Variants in MED13L observed in about 807,000 individuals in gnomAD.
The protein encoded by MED13L is mediator of RNA polymerase II transcription subunit 13-like.
In MED13L, 7 loss-of-function variants were observed where a neutral mutation model predicts 220.9. That is an observed-to-expected ratio of 0.03 (90% CI 0.02 to 0.06). The LOEUF is 0.06. Ranked by LOEUF, MED13L falls within the 10% of genes least tolerant of loss-of-function variation. The pLI is 1.00. For synonymous variants in MED13L, 1,011 were observed against 1,015.2 expected (o/e 1.00, Z 0.08); for missense variants, 1,965 against 2,760.5 (o/e 0.71, Z 6.46).
Position 115,966,147 on chromosome 12 carries a change from T to C in MED13L, c.6322A>G (p.Asn2108Asp), listed in dbSNP as rs768108181. The change falls in exon 29 of 31, where the codon AAT becomes GAT. Residue 2108 changes from asparagine (N) to aspartate (D), a missense_variant. Coordinates refer to ENST00000281928, the MANE Select transcript of MED13L (RefSeq NM_015335.5). ...GATGACCAAAACCACTGGGGAAGATTCTCAGCTTTGGCAGTTGATACAAAA... is the reference window on the plus strand; with the variant it reads ...GATGACCAAAACCACTGGGGAAGATCCTCAGCTTTGGCAGTTGATACAAAA... ...GYFVSTAKAE[N>D]LPQWFWSSCP... The C allele has an allele frequency of 1.2e-6, 2 of 1,614,176 alleles. No individual in the cohort carries two copies. The highest frequency in any genetic ancestry group is 4.5e-5 in the East Asian group (2 of 44,882).
intron 4 of MED13L, among the ~76,000 whole-genome samples, chr12:116,025,359 T>C (rs1880324733): frequency 6.6e-6 from 1 of 152,172 alleles, no homozygotes; most frequent in Admixed American, 6.5e-5. Context: ...TACCATATGA[T>C]CCTGTAATCC....
chr12:116,040,349 A>T (rs926837052), intron 4 of MED13L, among the ~76,000 whole-genome samples: 11 of 152,362 alleles, frequency 7.2e-5, no homozygotes, highest in African/African-American at 2.6e-4. Flanking sequence ...TATTTGAATC[A>T]AATTATCATT....
At chr12:116,183,926 T>C (rs1593140483) in intron 2 of MED13L, among the ~76,000 whole-genome samples, 1 of 151,804 alleles carries the variant, frequency 6.6e-6, no homozygotes, top group Non-Finnish European at 1.5e-5. Flanking sequence ...GATAATCAGG[T>C]TACAATGAAA....
intron 2 of MED13L, among the ~76,000 whole-genome samples, chr12:116,228,825 A>G (rs1048331896): frequency 1.3e-5 from 2 of 152,184 alleles, no homozygotes; most frequent in African/African-American, 2.4e-5. Flanking sequence ...AATTTTCCAC[A>G]TTCAGATTCT....
chr12:116,182,508 T>TA (rs1880597366), intron 2 of MED13L, among the ~76,000 whole-genome samples: 1 of 152,126 alleles, frequency 6.6e-6, no homozygotes, highest in Admixed American at 6.6e-5. Context: ...TCTTTTCTCT[T>TA]ACACTAGAGA....
intron 1 of MED13L, among the ~76,000 whole-genome samples, chr12:116,261,660 C>G (rs1450245896): frequency 2.0e-5 from 3 of 152,134 alleles, no homozygotes; most frequent in African/African-American, 7.2e-5. Flanking sequence ...GTGATCAAAG[C>G]TTAAGTCTAC....
At chr12:116,038,567 T>C (rs1881325407) in intron 4 of MED13L, among the ~76,000 whole-genome samples, 1 of 152,046 alleles carries the variant, frequency 6.6e-6, no homozygotes, top group South Asian at 2.1e-4. Context: ...GTGGAATTCT[T>C]GCCAGCTTGA....
At chr12:116,212,274 T>A (rs566431139) in intron 2 of MED13L, among the ~76,000 whole-genome samples, 1 of 152,302 alleles carries the variant, frequency 6.6e-6, no homozygotes, top group Non-Finnish European at 1.5e-5. Context: ...GTGTATAATA[T>A]CCTCTTAGAA....
At chr12:116,008,227 C>G (rs1233815884) in intron 10 of MED13L, 174 bp downstream of exon 10, 6 of 877,438 alleles carry the variant, frequency 6.8e-6, no homozygotes, top group Non-Finnish European at 1.0e-5. Flanking sequence ...GACATGTGTG[C>G]TAACCTATAA....
At position 116,054,193 on chromosome 12, in the gene MED13L, T is replaced by TAC. The variant is rs529817189; in HGVS notation, c.480-31594_480-31593dup. On this transcript the variant is annotated intron_variant, in intron 4 of 30. Coordinates refer to ENST00000281928, the MANE Select transcript of MED13L (RefSeq NM_015335.5). Reference sequence around the variant, plus strand: ...CTACTTAGAGTAATTTAACAACTATTACACACACACACACACACAAACACA... The same window carrying TAC: ...CTACTTAGAGTAATTTAACAACTATTACACACACACACACACACACAAACACA... Among the ~76,000 whole-genome samples, 564 of 148,206 alleles carry TAC rather than the reference T, an allele frequency of 3.8e-3. 5 individuals carry two copies. The highest frequency in any genetic ancestry group is 0.023 in the South Asian group (110 of 4,710).
intron 3 of MED13L, among the ~76,000 whole-genome samples, chr12:116,101,143 A>G (rs991589364): frequency 1.6e-4 from 25 of 152,256 alleles, no homozygotes; most frequent in African/African-American, 6.0e-4. Context: ...AATTCTATTC[A>G]TTCTTTCTGT....
At chr12:116,011,557 C>T (rs1467123863) in intron 9 of MED13L, among the ~76,000 whole-genome samples, 2 of 152,086 alleles carry the variant, frequency 1.3e-5, no homozygotes, top group East Asian at 3.9e-4. Flanking sequence ...TAAAGGCGGG[C>T]CTTAACTTGG....
rs1877468812 is a variant in MED13L, at chr12:115,983,369, C to T, written c.4703G>A (p.Ser1568Asn). The change falls in exon 21 of 31, where the codon AGT (serine) becomes AAT (asparagine). Residue 1568 changes from serine (S) to asparagine (N), a missense_variant. By Grantham distance (46) the Ser-to-Asn change is conservative (BLOSUM62 1). Coordinates refer to ENST00000281928, the MANE Select transcript of MED13L (RefSeq NM_015335.5). ...AGSAFNPTSN[S>N]SSTNPAASSS... ...ACTTGCTGCAGGATTTGTAGAACTACTATTCGAGGTGGGATTAAATGCACT... is the reference window on the plus strand; with the variant it reads ...ACTTGCTGCAGGATTTGTAGAACTATTATTCGAGGTGGGATTAAATGCACT... 6.2e-7 allele frequency: 1 copy of T among 1,614,050 alleles called. No individual in the cohort carries two copies. The highest frequency in any genetic ancestry group is 1.3e-5 in the African/African-American group (1 of 74,922).
At chr12:116,253,744 GTTTTTTTTGT>G (rs1871778172) in intron 1 of MED13L, among the ~76,000 whole-genome samples, 3 of 108,686 alleles carry the variant, frequency 2.8e-5, no homozygotes, top group Admixed American at 9.3e-5. Context: ...CACCTTCACG[GTTTTTTTTGT>G]TTTTTTTTTT....
At chr12:116,204,455 G>T (rs575109607) in intron 2 of MED13L, among the ~76,000 whole-genome samples, 23 of 152,210 alleles carry the variant, frequency 1.5e-4, no homozygotes, top group South Asian at 4.1e-4. Context: ...CCATGCTGTA[G>T]GCAGTTCATG....
intron 2 of MED13L, among the ~76,000 whole-genome samples, chr12:116,152,521 T>C (rs1002070630): frequency 9.2e-5 from 14 of 152,160 alleles, no homozygotes; most frequent in Admixed American, 7.2e-4. Flanking sequence ...GGGGATTTCC[T>C]ACTCCCTTGC....
intron 2 of MED13L, chr12:116,169,332 A>C (rs1017725579): frequency 6.6e-6 from 1 of 152,328 alleles, no homozygotes; most frequent in East Asian, 1.9e-4. Flanking sequence ...CTGTGAGGCA[A>C]AAATCAGGTC....
intron 2 of MED13L, among the ~76,000 whole-genome samples, chr12:116,151,167 G>A (rs2138092125): frequency 6.6e-6 from 1 of 152,178 alleles, no homozygotes; most frequent in South Asian, 2.1e-4. Flanking sequence ...TAGGCTTTTA[G>A]CAAGCAAAAT....
At chr12:116,148,874 C>G (rs1877798464) in intron 2 of MED13L, among the ~76,000 whole-genome samples, 1 of 151,810 alleles carries the variant, frequency 6.6e-6, no homozygotes, top group Non-Finnish European at 1.5e-5. Flanking sequence ...GTATTGCCTT[C>G]GATCCACTCT....
Sources: allele counts gnomAD v4.1 joint callset (sites outside exome capture counted in the v4.1 genomes callset), GRCh38; gene constraint gnomAD v4.1.1; transcripts MANE v1.5; gene names NCBI Gene and HGNC (gene_info 2026-07-23, HGNC 2026-07-21).